The following DIAPH3 variants were observed in gnomAD, a reference collection of about 807,000 sequenced individuals.
DIAPH3 encodes the protein protein diaphanous homolog 3.
Under a neutral mutation model 144.3 loss-of-function variants are expected in DIAPH3, and 117 were observed. That is an observed-to-expected ratio of 0.81 (90% CI 0.70 to 0.95). The LOEUF (loss-of-function observed/expected upper bound fraction) is 0.95, where lower values mean the gene tolerates loss of function less well. Ranked by LOEUF, DIAPH3 falls within the 40% of genes least tolerant of loss-of-function variation. The pLI, the probability that DIAPH3 is intolerant of heterozygous loss-of-function variation, is 0.00. For missense variants in DIAPH3, 1,421 were observed against 1,412.7 expected (o/e 1.01, Z -0.09); for synonymous variants, 519 against 488.9 (o/e 1.06, Z -0.81).
intron 25 of DIAPH3, among the ~76,000 whole-genome samples, chr13:59,806,256 G>A (rs2139518567): frequency 6.6e-6 from 1 of 152,122 alleles, no homozygotes; most frequent in South Asian, 2.1e-4. Flanking sequence ...TTAAGGCTGA[G>A]AAAGTCGGGC....
intron 1 of DIAPH3, among the ~76,000 whole-genome samples, chr13:60,159,677 C>G (rs1952196336): frequency 6.6e-6 from 1 of 151,976 alleles, no homozygotes; most frequent in Non-Finnish European, 1.5e-5. Flanking sequence ...GCCAGCTTGC[C>G]TAGATTCAAA....
intron 19 of DIAPH3, among the ~76,000 whole-genome samples, chr13:59,915,475 G>A (rs965520010): frequency 1.4e-4 from 21 of 151,840 alleles, no homozygotes; most frequent in African/African-American, 3.4e-4. Flanking sequence ...AAATATATCC[G>A]CTATCAGAAC....
chr13:59,711,462 C>G (rs2034734041), intron 27 of DIAPH3, among the ~76,000 whole-genome samples: 2 of 152,098 alleles, frequency 1.3e-5, no homozygotes, highest in African/African-American at 2.4e-5. Flanking sequence ...CACAATGATG[C>G]TATTGCTCTT....
rs1203655529 is a variant in DIAPH3 at position 59,887,042 on chromosome 13, G to A, written c.2368-7574C>T. ...GTATAACTCCAGGTTTCTCATGGATGTCCTTTATCAAAATGAGGAAGTTTC... is the reference window on the plus strand; with the variant it reads ...GTATAACTCCAGGTTTCTCATGGATATCCTTTATCAAAATGAGGAAGTTTC... On this transcript the variant is annotated intron_variant, in intron 20 of 27. Coordinates refer to ENST00000400324, the MANE Select transcript of DIAPH3 (RefSeq NM_001042517.2). 2.0e-5 allele frequency among the ~76,000 whole-genome samples: 3 copies of A among 151,970 alleles called. 1 individual carries two copies. Among genetic ancestry groups the A allele is most frequent in the African/African-American group, 7.2e-5 (3 of 41,400 alleles).
At chr13:59,905,460 T>C (rs1000188999) in intron 20 of DIAPH3, among the ~76,000 whole-genome samples, 1 of 151,456 alleles carries the variant, frequency 6.6e-6, no homozygotes, top group Non-Finnish European at 1.5e-5. Context: ...AAAGACTAAG[T>C]ATGATTGTGA....
At chr13:59,889,175 C>T (rs755746241) in intron 20 of DIAPH3, among the ~76,000 whole-genome samples, 3 of 151,888 alleles carry the variant, frequency 2.0e-5, no homozygotes, top group Non-Finnish European at 2.9e-5. Context: ...ACTTTTTTGT[C>T]CATTATTTCT....
chr13:59,909,665 C>T (rs2046900253), intron 20 of DIAPH3, among the ~76,000 whole-genome samples: 1 of 152,096 alleles, frequency 6.6e-6, no homozygotes, highest in African/African-American at 2.4e-5. Context: ...AGGCATTGTT[C>T]ATATTGTCTG....
At chr13:60,085,083 C>T (rs556809565) in intron 4 of DIAPH3, among the ~76,000 whole-genome samples, 5 of 152,094 alleles carry the variant, frequency 3.3e-5, no homozygotes, top group East Asian at 1.9e-4. Flanking sequence ...AGTAAATTCA[C>T]GGAAGCTTTA....
intron 12 of DIAPH3, 123 bp downstream of exon 12, chr13:59,991,035 T>C: frequency 1.6e-6 from 1 of 641,614 alleles, no homozygotes; most frequent in Non-Finnish European, 2.7e-6. Context: ...CAACACATTC[T>C]ATGAATCAGT....
chr13:59,907,486 C>A (rs949026812), intron 20 of DIAPH3, among the ~76,000 whole-genome samples: 3 of 152,080 alleles, frequency 2.0e-5, no homozygotes, highest in African/African-American at 7.2e-5. Context: ...CTAGAAAACA[C>A]AGGACATATA....
chr13:59,976,837 C>T (rs1182979762), intron 14 of DIAPH3, among the ~76,000 whole-genome samples: 5 of 151,762 alleles, frequency 3.3e-5, no homozygotes, highest in Non-Finnish European at 7.4e-5. Context: ...GAATATATTT[C>T]CAACCACTTA....
chr13:60,085,883 G>C (rs1335408908), intron 4 of DIAPH3, among the ~76,000 whole-genome samples: 5 of 151,960 alleles, frequency 3.3e-5, no homozygotes, highest in African/African-American at 9.7e-5. Context: ...TACGAGCATA[G>C]CAAAATGTCT....
At chr13:60,091,733 T>C (rs574504853) in intron 4 of DIAPH3, among the ~76,000 whole-genome samples, 2 of 152,152 alleles carry the variant, frequency 1.3e-5, no homozygotes, top group Admixed American at 6.5e-5. Context: ...AAAAACAAAT[T>C]ACAAAGAAAA....
At chr13:59,813,086 A>T (rs1593521955) in intron 24 of DIAPH3, among the ~76,000 whole-genome samples, 1 of 151,886 alleles carries the variant, frequency 6.6e-6, no homozygotes, top group Non-Finnish European at 1.5e-5. Context: ...CACTGTGTAT[A>T]TAAGTGTCAC....
intron 27 of DIAPH3, among the ~76,000 whole-genome samples, chr13:59,727,116 C>T (rs1053243592): frequency 6.6e-5 from 10 of 152,072 alleles, no homozygotes; most frequent in Non-Finnish European, 1.5e-4. Context: ...AACAAAGCAA[C>T]CCTCTGAGGA....
chr13:59,858,070 T>C (rs1188194697), intron 22 of DIAPH3, among the ~76,000 whole-genome samples: 1 of 152,126 alleles, frequency 6.6e-6, no homozygotes, highest in Non-Finnish European at 1.5e-5. Flanking sequence ...AGCTGTTGTC[T>C]ATAGAAGTGT....
chr13:59,784,597 G>C (rs1178740484), intron 25 of DIAPH3, among the ~76,000 whole-genome samples: 5 of 149,544 alleles, frequency 3.3e-5, no homozygotes, highest in African/African-American at 1.2e-4. Context: ...GGCTGGTCTT[G>C]AACTCCTGAG....
intron 7 of DIAPH3, among the ~76,000 whole-genome samples, chr13:60,015,294 T>C (rs2140982415): frequency 6.6e-6 from 1 of 152,244 alleles, no homozygotes; most frequent in Non-Finnish European, 1.5e-5. Flanking sequence ...ACAAGCAGGT[T>C]TCTCCCTTCT....
In DIAPH3 at chr13:59,787,562, T is replaced by TA. The variant is rs2039102856; in HGVS notation, c.3164-12740dup. Among the ~76,000 whole-genome samples, 5 of 151,688 alleles carry TA rather than the reference T, an allele frequency of 3.3e-5. 1 individual carries two copies. The highest frequency in any genetic ancestry group is 2.1e-4 in the South Asian group (1 of 4,738). ...GAGACTTTGTTTCTATTAAAAATAA[T>TA]AAAAAATCAAATAATAACAAACTGT... On this transcript the variant is annotated intron_variant, in intron 25 of 27. Transcript: ENST00000400324.
Sources: allele counts gnomAD v4.1 joint callset (sites outside exome capture counted in the v4.1 genomes callset), GRCh38; gene constraint gnomAD v4.1.1; transcripts MANE v1.5; gene names NCBI Gene and HGNC (gene_info 2026-07-23, HGNC 2026-07-21).